ERBB4: variants seen among roughly 807,000 people sequenced by gnomAD.
The protein encoded by ERBB4 is erb-b2 receptor tyrosine kinase 4, also known as receptor tyrosine-protein kinase erbB-4.
Under a neutral mutation model 158.0 loss-of-function variants are expected in ERBB4, and 42 were observed. The ratio of observed to expected loss-of-function variants is 0.27; its 90% CI spans 0.21 to 0.34. The LOEUF (loss-of-function observed/expected upper bound fraction) is 0.34, where lower values mean the gene tolerates loss of function less well. Ranked by LOEUF, ERBB4 falls within the 10% of genes least tolerant of loss-of-function variation. The probability of loss-of-function intolerance (pLI) is 1.00; values close to 1 mark genes in which losing one functional copy is unlikely to be tolerated. For synonymous variants in ERBB4, 583 were observed against 558.7 expected (o/e 1.04, Z -0.61); for missense variants, 1,333 against 1,624.1 (o/e 0.82, Z 3.08).
intron 20 of ERBB4, among the ~76,000 whole-genome samples, chr2:211,445,583 C>G (rs17747141): frequency 0.018 from 2,695 of 152,020 alleles, 23 homozygotes; most frequent in African/African-American, 0.027. Flanking sequence ...GTAAAACTAG[C>G]GACAGTATCA....
At chr2:212,211,976 G>T (rs1464872403) in intron 1 of ERBB4, among the ~76,000 whole-genome samples, 1 of 151,992 alleles carries the variant, frequency 6.6e-6, no homozygotes, top group Non-Finnish European at 1.5e-5. Context: ...TGGGCATTTG[G>T]GTTGGTTCCA....
intron 7 of ERBB4, among the ~76,000 whole-genome samples, chr2:211,716,207 A>T (rs2073892613): frequency 6.6e-6 from 1 of 151,794 alleles, no homozygotes; most frequent in African/African-American, 2.4e-5. Flanking sequence ...TACTAAAAAT[A>T]CAAAATTAGC....
At chr2:212,346,405 G>C (rs985933598) in intron 1 of ERBB4, among the ~76,000 whole-genome samples, 5 of 150,544 alleles carry the variant, frequency 3.3e-5, no homozygotes, top group African/African-American at 1.2e-4. Context: ...GTGTTTATGT[G>C]TATGTGTTTA....
intron 20 of ERBB4, among the ~76,000 whole-genome samples, chr2:211,508,949 A>G (rs1447470038): frequency 3.6e-5 from 4 of 111,730 alleles, no homozygotes; most frequent in South Asian, 2.9e-4. Flanking sequence ...AAACAAAAAA[A>G]CAAAACAAAA....
At chr2:211,767,384 A>T (rs2075577674) in intron 4 of ERBB4, among the ~76,000 whole-genome samples, 1 of 152,220 alleles carries the variant, frequency 6.6e-6, no homozygotes, top group Admixed American at 6.5e-5. Flanking sequence ...TTAAAAAATC[A>T]ATTATGGAAT....
At chr2:212,188,113 C>G (rs917850554) in intron 1 of ERBB4, among the ~76,000 whole-genome samples, 4 of 150,742 alleles carry the variant, frequency 2.7e-5, no homozygotes, top group Non-Finnish European at 2.9e-5. Flanking sequence ...TCCAGTTGCT[C>G]AAGTCAGAGA....
intron 1 of ERBB4, among the ~76,000 whole-genome samples, chr2:212,486,716 GC>G (rs767333565): frequency 6.6e-6 from 1 of 152,100 alleles, no homozygotes; most frequent in Non-Finnish European, 1.5e-5. Flanking sequence ...TCATCTCAGG[GC>G]AGACAGAAAT....
intron 20 of ERBB4, among the ~76,000 whole-genome samples, chr2:211,544,800 A>T (rs557413660): frequency 6.6e-6 from 1 of 152,174 alleles, no homozygotes; most frequent in African/African-American, 2.4e-5. Context: ...GGCTAGTTTT[A>T]TTACTACAAG....
rs1213369337 is a variant in ERBB4, at chr2:211,704,042, A to G, written c.1289+62T>C. The G allele has an allele frequency of 3.3e-6, 3 of 914,690 alleles. No individual in the cohort carries two copies. The African/African-American group carries it at 4.9e-5, about 15-fold the overall frequency. The allele number at this position is 914,690 out of a possible 1,614,324, so 56.7% of individuals were successfully genotyped here. A position where few individuals can be genotyped will look rare whatever the true frequency, so the allele number is the denominator to read the frequency against. On this transcript the variant is annotated intron_variant, in intron 11 of 27. Transcript: ENST00000342788. The stretch of plus-strand genomic sequence containing the variant: ...CAATAAGAGTGATAGTTTTGACTTA[A>G]TGCACACACAATGCTCCTCTTGAAA...
At chr2:211,449,498 A>G (rs2064190702) in intron 20 of ERBB4, among the ~76,000 whole-genome samples, 3 of 152,188 alleles carry the variant, frequency 2.0e-5, no homozygotes, top group Admixed American at 6.5e-5. Flanking sequence ...TGCTGAGGAT[A>G]GTAGCTTATA....
chr2:211,724,323 C>A (rs1232719360), intron 6 of ERBB4, among the ~76,000 whole-genome samples: 2 of 150,040 alleles, frequency 1.3e-5, no homozygotes, highest in Non-Finnish European at 3.0e-5. Context: ...ATATGGTTTG[C>A]TCATTGCTGG....
At chr2:211,456,182 A>T (rs2064377292) in intron 20 of ERBB4, among the ~76,000 whole-genome samples, 1 of 152,168 alleles carries the variant, frequency 6.6e-6, no homozygotes, top group Admixed American at 6.5e-5. Flanking sequence ...AGTGATCCCG[A>T]TAACTACCTC....
intron 6 of ERBB4, 34 bp downstream of exon 6, chr2:211,725,042 G>T (rs769274090): frequency 1.0e-5 from 14 of 1,372,570 alleles, no homozygotes; most frequent in Non-Finnish European, 1.5e-5. Flanking sequence ...GGAAAGGAGA[G>T]CAGGATAATA....
intron 1 of ERBB4, among the ~76,000 whole-genome samples, chr2:212,207,981 C>T (rs755632212): frequency 1.8e-4 from 28 of 152,068 alleles, no homozygotes; most frequent in Non-Finnish European, 2.4e-4. Flanking sequence ...CTAATTAAAG[C>T]CATATACTTT....
At chr2:211,868,355 A>G (rs910481475) in intron 3 of ERBB4, among the ~76,000 whole-genome samples, 3 of 152,208 alleles carry the variant, frequency 2.0e-5, no homozygotes, top group Non-Finnish European at 4.4e-5. Flanking sequence ...TTCTCTCTTT[A>G]GGTTTTGTGA....
intron 2 of ERBB4, among the ~76,000 whole-genome samples, chr2:212,012,415 ATTTTTT>A (rs34430050): frequency 4.7e-5 from 6 of 126,572 alleles, no homozygotes; most frequent in Admixed American, 2.4e-4. Flanking sequence ...TAAGAACTGC[ATTTTTT>A]TTTTTTTTTT....
At chr2:211,834,026 C>G (rs1175752072) in intron 3 of ERBB4, among the ~76,000 whole-genome samples, 1 of 151,982 alleles carries the variant, frequency 6.6e-6, no homozygotes. Context: ...CCCTTCTAGA[C>G]CTTTAATTTT....
intron 20 of ERBB4, among the ~76,000 whole-genome samples, chr2:211,550,456 G>A (rs973817549): frequency 6.6e-6 from 1 of 151,260 alleles, no homozygotes; most frequent in African/African-American, 2.4e-5. Context: ...GAAATGACGA[G>A]GAAAATTTGT....
intron 3 of ERBB4, among the ~76,000 whole-genome samples, chr2:211,932,679 T>C (rs1472778932): frequency 1.3e-5 from 2 of 151,992 alleles, no homozygotes; most frequent in Non-Finnish European, 2.9e-5. Context: ...TATATTACCA[T>C]TGATTTCCTC....
Sources: allele counts gnomAD v4.1 joint callset (sites outside exome capture counted in the v4.1 genomes callset), GRCh38; gene constraint gnomAD v4.1.1; transcripts MANE v1.5; gene names NCBI Gene and HGNC (gene_info 2026-07-23, HGNC 2026-07-21).